Variants in DIP2A observed in about 807,000 individuals in gnomAD.
The protein encoded by DIP2A is disco-interacting protein 2 homolog A.
Under a neutral mutation model 177.4 loss-of-function variants are expected in DIP2A, and 85 were observed. The observed-to-expected ratio is 0.48, with a 90% CI of 0.40 to 0.57. The LOEUF is 0.57. Among genes scored for constraint, DIP2A ranks in the 20% least tolerant of loss-of-function variants. DIP2A has a pLI of 0.00. For synonymous variants in DIP2A, 886 were observed against 881.8 expected (o/e 1.00, Z -0.08); for missense variants, 1,791 against 2,100.2 (o/e 0.85, Z 2.88).
intron 33 of DIP2A, chr21:46,561,527 A>G: frequency 1.5e-6 from 1 of 652,360 alleles, no homozygotes; most frequent in Admixed American, 2.2e-5. Context: ...TGCTGTGAGC[A>G]CATGGGGTGG....
intron 16 of DIP2A, chr21:46,539,561 CCT>C (rs1394841676): frequency 7.7e-6 from 3 of 388,780 alleles, no homozygotes; most frequent in Non-Finnish European, 1.5e-5. Context: ...ATGGCACTCC[CCT>C]GTTGCTGCAC....
At chr21:46,504,725 A>G (rs1456140013) in intron 6 of DIP2A, among the ~76,000 whole-genome samples, 1 of 152,216 alleles carries the variant, frequency 6.6e-6, no homozygotes, top group African/African-American at 2.4e-5. Flanking sequence ...GTGGGGAGGG[A>G]AAAGACTTCC....
chr21:46,473,467 A>AGG (rs36017287), intron 1 of DIP2A, among the ~76,000 whole-genome samples: 1 of 117,948 alleles, frequency 8.5e-6, no homozygotes. Context: ...GGAAAAAAAA[A>AGG]GGGGGGGGGG....
chr21:46,524,073 A>C (rs935478181), intron 8 of DIP2A, among the ~76,000 whole-genome samples: 14 of 152,224 alleles, frequency 9.2e-5, no homozygotes, highest in African/African-American at 3.4e-4. Flanking sequence ...TCAGCTCTGG[A>C]GTTTCCCCTT....
intron 35 of DIP2A, among the ~76,000 whole-genome samples, chr21:46,564,299 G>A (rs2060765557): frequency 6.6e-6 from 1 of 152,184 alleles, no homozygotes; most frequent in Admixed American, 6.5e-5. Context: ...CACAGACACG[G>A]GGAACTGGCA....
chr21:46,496,552 T>C (rs924490357), intron 3 of DIP2A, among the ~76,000 whole-genome samples: 11 of 152,160 alleles, frequency 7.2e-5, no homozygotes, highest in African/African-American at 2.7e-4. Context: ...ACACTAACAC[T>C]AACGATAGCT....
chr21:46,567,704 A>C lies in DIP2A; in HGVS notation c.*82A>C. 2 of 1,483,872 alleles carry C rather than the reference A, an allele frequency of 1.3e-6. No homozygotes were observed. Among genetic ancestry groups the C allele is most frequent in the Non-Finnish European group, 1.8e-6 (2 of 1,114,284 alleles). The allele number at this position is 1,483,872 out of a possible 1,614,324, so 91.9% of individuals were successfully genotyped here. A position where few individuals can be genotyped will look rare whatever the true frequency, so the allele number is the denominator to read the frequency against. On this transcript the variant is annotated 3_prime_UTR_variant, in exon 38 of 38. Coordinates refer to ENST00000417564, the MANE Select transcript of DIP2A (RefSeq NM_015151.4). Reference sequence around the variant, plus strand: ...GATGTGGGAAGACACCGCAGAGCTCACTCACCGGGACTCGCCCTTCCTGTG... The same window carrying C: ...GATGTGGGAAGACACCGCAGAGCTCCCTCACCGGGACTCGCCCTTCCTGTG...
chr21:46,499,833 T>G (rs1476612036), intron 5 of DIP2A, among the ~76,000 whole-genome samples: 2 of 152,168 alleles, frequency 1.3e-5, no homozygotes, highest in African/African-American at 4.8e-5. Flanking sequence ...GAAAAAAAAG[T>G]CCAGCGATTG....
At chr21:46,559,790 G>A (rs139499631) in intron 32 of DIP2A, among the ~76,000 whole-genome samples, 4 of 152,322 alleles carry the variant, frequency 2.6e-5, no homozygotes, top group East Asian at 1.9e-4. Context: ...TCCTGTGGCT[G>A]TCTCCTCCCT....
At chr21:46,473,419 C>T (rs150384950) in intron 1 of DIP2A, among the ~76,000 whole-genome samples, 5,258 of 147,926 alleles carry the variant, frequency 0.036, 139 homozygotes, top group Middle Eastern at 0.079. Flanking sequence ...TATGCCACTG[C>T]ACTCCAGCCT....
In DIP2A at chr21:46,458,916, A is replaced by G. The variant is rs1161363714; in HGVS notation, c.-216A>G. The stretch of plus-strand genomic sequence containing the variant: ...GTGTAGGGCCGGCCGGGCGCTCAGG[A>G]GCGCGCGGGGCAGCGGCGGCGCGGC... On this transcript the variant is annotated 5_prime_UTR_variant, in exon 1 of 38. Coordinates refer to ENST00000417564, the MANE Select transcript of DIP2A (RefSeq NM_015151.4). 1 of 261,694 alleles carries G rather than the reference A, an allele frequency of 3.8e-6. No individual in the cohort carries two copies. Among genetic ancestry groups the G allele is most frequent in the Non-Finnish European group, 7.0e-6 (1 of 142,060 alleles). The allele number at this position is 261,694 out of a possible 1,614,324, so 16.2% of individuals were successfully genotyped here. A position where few individuals can be genotyped will look rare whatever the true frequency, so the allele number is the denominator to read the frequency against.
intron 28 of DIP2A, 132 bp downstream of exon 28, chr21:46,555,065 G>T: frequency 1.1e-6 from 1 of 912,752 alleles, no homozygotes; most frequent in South Asian, 1.6e-5. Flanking sequence ...TGACAGCAGG[G>T]GGTGCCCCGG....
chr21:46,511,681 A>G, intron 8 of DIP2A, 67 bp downstream of exon 8: 1 of 1,383,186 alleles, frequency 7.2e-7, no homozygotes, highest in African/African-American at 1.5e-5. Context: ...ATAACACAGC[A>G]TAGACATACA....
chr21:46,484,966 G>A, intron 2 of DIP2A, 138 bp downstream of exon 2: 1 of 760,168 alleles, frequency 1.3e-6, no homozygotes, highest in African/African-American at 1.8e-5. Flanking sequence ...ATTATTGATT[G>A]AGACAGGGTC....
intron 13 of DIP2A, among the ~76,000 whole-genome samples, chr21:46,535,313 CTG>C (rs1465772829): frequency 8.8e-5 from 12 of 136,510 alleles, no homozygotes; most frequent in African/African-American, 3.0e-4. Flanking sequence ...ATGGGGTACA[CTG>C]TGACAATTTT....
chr21:46,527,950 TTCTC>T (rs997917283), intron 8 of DIP2A, among the ~76,000 whole-genome samples: 7 of 152,076 alleles, frequency 4.6e-5, no homozygotes, highest in African/African-American at 1.7e-4. Context: ...GGCTTTTCCT[TTCTC>T]TATTGTCCTG....
intron 1 of DIP2A, among the ~76,000 whole-genome samples, chr21:46,463,623 T>G (rs1282422866): frequency 1.3e-5 from 2 of 152,184 alleles, no homozygotes; most frequent in South Asian, 4.1e-4. Flanking sequence ...AAGAGACTTC[T>G]CTCACAAAGC....
intron 21 of DIP2A, among the ~76,000 whole-genome samples, chr21:46,549,149 C>CA (rs2060174015): frequency 6.6e-6 from 1 of 152,096 alleles, no homozygotes; most frequent in Non-Finnish European, 1.5e-5. Context: ...TGTGTACACA[C>CA]ACACCAGTCA....
chr21:46,530,407 AG>A, intron 9 of DIP2A, among the ~76,000 whole-genome samples: 1 of 152,340 alleles, frequency 6.6e-6, no homozygotes, highest in South Asian at 2.1e-4. Context: ...AAGGGAAGAG[AG>A]GGAGTGAGAA....
Sources: gnomAD v4.1 joint callset for allele counts (sites outside exome capture counted in the v4.1 genomes callset) on GRCh38, gnomAD v4.1.1 for gene constraint, MANE v1.5 for transcripts, NCBI Gene and HGNC (gene_info 2026-07-23, HGNC 2026-07-21) for gene names.